STRA8: variants seen among roughly 807,000 people sequenced by gnomAD.
The protein encoded by STRA8 is stimulated by retinoic acid 8, also known as stimulated by retinoic acid gene 8 protein homolog.
Under a neutral mutation model 37.1 loss-of-function variants are expected in STRA8, and 18 were observed. The ratio of observed to expected loss-of-function variants is 0.48; its 90% CI spans 0.34 to 0.72. The LOEUF (loss-of-function observed/expected upper bound fraction) is 0.72. STRA8 is among the 30% of genes least tolerant of loss of function. The pLI is 0.01. For synonymous variants in STRA8, 168 were observed against 162.9 expected (o/e 1.03, Z -0.24); for missense variants, 357 against 410.4 (o/e 0.87, Z 1.13).
At chr7:135,255,270 A>G in intron 8 of STRA8, 45 bp downstream of exon 8, 1 of 1,500,894 alleles carries the variant, frequency 6.7e-7, no homozygotes, top group South Asian at 1.1e-5. Flanking sequence ...CACCTTGCTT[A>G]GATAGCAAAA....
intron 2 of STRA8, among the ~76,000 whole-genome samples, chr7:135,241,279 A>G (rs1353903385): frequency 6.6e-6 from 1 of 152,204 alleles, no homozygotes; most frequent in African/African-American, 2.4e-5. Flanking sequence ...AGCAAAACAC[A>G]TAGGAGTGCT....
chr7:135,240,427 C>G, intron 1 of STRA8, 92 bp from the exon 2 acceptor site: 3 of 1,301,750 alleles, frequency 2.3e-6, no homozygotes, highest in Non-Finnish European at 3.2e-6. Flanking sequence ...AAGGGTACCT[C>G]CTTTCTGCCT....
chr7:135,240,454 C>T (rs926130006), intron 1 of STRA8, 65 bp from the exon 2 acceptor site: 1 of 1,542,014 alleles, frequency 6.5e-7, no homozygotes, highest in South Asian at 1.2e-5. Context: ...ATTTGCCTTC[C>T]TTTTCCTTTA....
intron 1 of STRA8, among the ~76,000 whole-genome samples, chr7:135,238,199 G>C (rs1832406858): frequency 6.6e-6 from 1 of 151,720 alleles, no homozygotes; most frequent in East Asian, 1.9e-4. Flanking sequence ...CCTGAGCCAA[G>C]GGGGGGCGGG....
At chr7:135,232,655 A>G (rs1228052627), upstream of STRA8, among the ~76,000 whole-genome samples, 3 of 152,024 alleles carry the variant, frequency 2.0e-5, no homozygotes, top group African/African-American at 7.2e-5. Context: ...GGGGAGAATG[A>G]GAATTGACCC....
At chr7:135,254,981 G>T in intron 7 of STRA8, 133 bp from the exon 8 acceptor site, 1 of 712,236 alleles carries the variant, frequency 1.4e-6, no homozygotes. Context: ...CTTTCAAGGA[G>T]AGGTCTGGGC....
upstream of STRA8, among the ~76,000 whole-genome samples, chr7:135,233,224 T>C (rs980667332): frequency 1.3e-5 from 2 of 152,204 alleles, no homozygotes; most frequent in African/African-American, 2.4e-5. Context: ...TCTCTTATTC[T>C]TGATATTTTA....
intron 8 of STRA8, among the ~76,000 whole-genome samples, chr7:135,255,933 C>T (rs1832698586): frequency 6.6e-6 from 1 of 152,224 alleles, no homozygotes; most frequent in African/African-American, 2.4e-5. Context: ...CTTCTACAGT[C>T]TTCATCACCT....
At chr7:135,232,131 T>TGGGGGGGGGTGGG, upstream of STRA8, 2 of 652,478 alleles carry the variant, frequency 3.1e-6, no homozygotes, top group East Asian at 4.0e-5. Context: ...GGGCGGGAGG[T>TGGGGGGGGGTGGG]GGGGTGACTA....
At chr7:135,243,246 A>T in intron 3 of STRA8, 80 bp from the exon 4 acceptor site, 1 of 1,492,028 alleles carries the variant, frequency 6.7e-7, no homozygotes, top group Non-Finnish European at 9.3e-7. Flanking sequence ...CCCACAGCCC[A>T]CCTGGGCCAG....
chr7:135,234,251 T>A (rs1364369976), intron 1 of STRA8, among the ~76,000 whole-genome samples: 1 of 151,948 alleles, frequency 6.6e-6, no homozygotes, highest in African/African-American at 2.4e-5. Context: ...GAACTACAGG[T>A]GTGGGCCACC....
rs1832550677 is a variant in STRA8 at position 135,246,229 on chromosome 7, C to T, written c.594-188C>T. 2.6e-6 allele frequency: 2 copies of T among 762,492 alleles called. No individual in the cohort carries two copies. The highest frequency in any genetic ancestry group is 2.9e-5 in the Admixed American group (1 of 34,304). The allele number at this position is 762,492 out of a possible 1,614,324, so 47.2% of individuals were successfully genotyped here. The stretch of plus-strand genomic sequence containing the variant: ...GGGCCCCAAAGCCCAAGTCTATGTC[C>T]TTCATGGCCCCCAGGAAGGCTGCTG... On this transcript the variant is annotated intron_variant, in intron 5 of 8. Coordinates refer to ENST00000662584, the MANE Select transcript of STRA8 (RefSeq NM_001394401.1). The surrounding 1 kb of genome is among the most constrained non-coding windows in gnomAD (Gnocchi z 5.4).
chr7:135,236,822 G>A (rs1339993268), intron 1 of STRA8, among the ~76,000 whole-genome samples: 1 of 152,082 alleles, frequency 6.6e-6, no homozygotes, highest in Non-Finnish European at 1.5e-5. Flanking sequence ...GGAGATTTTT[G>A]TCTTAGTAGT....
At chr7:135,243,488 C>A in intron 4 of STRA8, 78 bp downstream of exon 4, 1 of 1,330,192 alleles carries the variant, frequency 7.5e-7, no homozygotes. Flanking sequence ...TGGCAACTCA[C>A]CCTTCCTCTC....
At chr7:135,251,377 T>C (rs1159439834) in intron 6 of STRA8, among the ~76,000 whole-genome samples, 3 of 152,168 alleles carry the variant, frequency 2.0e-5, no homozygotes, top group African/African-American at 7.2e-5. Context: ...CCTGACCCTC[T>C]GGATTCAGCT....
chr7:135,251,851 C>G lies in STRA8; in HGVS notation c.935C>G (p.Pro312Arg), dbSNP rs760416552. The change falls in exon 7 of 9, where the codon CCG becomes CGG. Residue 312 changes from proline to arginine, a missense_variant. By Grantham distance (103) the Pro-to-Arg change is moderately radical. Coordinates refer to ENST00000662584, the MANE Select transcript of STRA8 (RefSeq NM_001394401.1). Reference protein sequence around the residue: ...VASFLDKSEVPSTSSSSSVLA... With the variant: ...VASFLDKSEVRSTSSSSSVLA... The stretch of plus-strand genomic sequence containing the variant: ...AGCTTCCTGGACAAAAGTGAGGTTC[C>G]GAGTACATCTAGCTCCAGGTGAGGA... 2.5e-6 allele frequency: 4 copies of G among 1,614,004 alleles called. No homozygotes were observed. The highest frequency in any genetic ancestry group is 3.4e-6 in the Non-Finnish European group (4 of 1,179,986).
Position 135,246,389 on chromosome 7 carries a change from G to C in STRA8, c.594-28G>C. Reference sequence around the variant, plus strand: ...ATCGCTTCGAGAGGGAGCTTTAGGGGTGCGAGACGGCGCCGCTTCTGTTCC... The same window carrying C: ...ATCGCTTCGAGAGGGAGCTTTAGGGCTGCGAGACGGCGCCGCTTCTGTTCC... On this transcript the variant is annotated intron_variant, in intron 5 of 8. Transcript: ENST00000662584. The surrounding 1 kb of genome is among the most constrained non-coding windows in gnomAD (Gnocchi z 5.4). 6.3e-7 allele frequency: 1 copy of C among 1,583,364 alleles called. No individual in the cohort carries two copies. The highest frequency in any genetic ancestry group is 8.6e-7 in the Non-Finnish European group (1 of 1,163,210).
chr7:135,255,658 A>G (rs1832694493), intron 8 of STRA8, among the ~76,000 whole-genome samples: 1 of 152,220 alleles, frequency 6.6e-6, no homozygotes, highest in Admixed American at 6.5e-5. Flanking sequence ...CTCTCTCCTT[A>G]TGAGAATCTG....
Position 135,242,765 on chromosome 7 carries a change from C to G in STRA8, c.193-16C>G. 1 of 1,613,822 alleles carries G rather than the reference C, an allele frequency of 6.2e-7. No homozygotes were observed. The highest frequency in any genetic ancestry group is 8.5e-7 in the Non-Finnish European group (1 of 1,179,752). On this transcript the variant is annotated splice_polypyrimidine_tract_variant and intron_variant, in intron 2 of 8. Transcript: ENST00000662584. ...GTGAGAGGCTGGCTTTCAGCATTGT[C>G]TCTGTCTATCCTCAGTGGCAGGTTC...
Sources: gnomAD v4.1 joint callset for allele counts (sites outside exome capture counted in the v4.1 genomes callset) on GRCh38, gnomAD v4.1.1 for gene constraint, Gnocchi (gnomAD v3.1) non-coding constraint, MANE v1.5 for transcripts, NCBI Gene and HGNC (gene_info 2026-07-23, HGNC 2026-07-21) for gene names.